MAPK10: variants seen among roughly 807,000 people sequenced by gnomAD.
The protein encoded by MAPK10 is JNK3 alpha protein kinase.
In MAPK10, 25 loss-of-function variants were observed where a neutral mutation model predicts 59.3. The observed-to-expected ratio is 0.42, with a 90% CI of 0.31 to 0.59. The LOEUF is 0.59. Among genes scored for constraint, MAPK10 ranks in the 20% least tolerant of loss-of-function variants. The probability of loss-of-function intolerance (pLI) is 0.15; values close to 1 mark genes in which losing one functional copy is unlikely to be tolerated. For missense variants in MAPK10, 351 were observed against 568.9 expected (o/e 0.62, Z 3.90); for synonymous variants, 190 against 200.5 (o/e 0.95, Z 0.44).
chr4:86,441,375 G>GT (rs1396629440), intron 1 of MAPK10, among the ~76,000 whole-genome samples: 1 of 152,200 alleles, frequency 6.6e-6, no homozygotes, highest in Non-Finnish European at 1.5e-5. Context: ...AGTTCACAGA[G>GT]TAACTCACGC....
At chr4:86,293,223 A>G (rs1332110498) in intron 2 of MAPK10, among the ~76,000 whole-genome samples, 4 of 152,234 alleles carry the variant, frequency 2.6e-5, no homozygotes, top group African/African-American at 9.6e-5. Context: ...GAGGTACAGG[A>G]AAATATCAAA....
chr4:86,191,906 T>C (rs1010989874), intron 3 of MAPK10: 2 of 152,136 alleles, frequency 1.3e-5, no homozygotes, highest in Non-Finnish European at 1.5e-5. Flanking sequence ...CAGTGGCTGG[T>C]ACCAACTGTT....
chr4:86,044,341 C>T (rs1168697677), intron 11 of MAPK10, among the ~76,000 whole-genome samples: 1 of 152,110 alleles, frequency 6.6e-6, no homozygotes, highest in Admixed American at 6.6e-5. Context: ...TAGATCCCAC[C>T]TCAGAGATTC....
chr4:86,289,324 T>G (rs918723234), intron 2 of MAPK10, among the ~76,000 whole-genome samples: 1 of 152,102 alleles, frequency 6.6e-6, no homozygotes, highest in African/African-American at 2.4e-5. Context: ...CTGGGTTTGC[T>G]TCTGAAGGAT....
At chr4:86,446,190 C>G (rs926154722) in intron 1 of MAPK10, among the ~76,000 whole-genome samples, 5 of 152,048 alleles carry the variant, frequency 3.3e-5, no homozygotes, top group African/African-American at 1.2e-4. Context: ...AGCAGTATAG[C>G]TCACTTTCAA....
intron 11 of MAPK10, among the ~76,000 whole-genome samples, chr4:86,056,417 T>C (rs1421964028): frequency 1.3e-5 from 2 of 150,122 alleles, no homozygotes; most frequent in African/African-American, 5.0e-5. Flanking sequence ...ACAAAGTACA[T>C]TGCTTCTAGT....
At chr4:86,462,478 T>A (rs943523595) in intron 1 of MAPK10, among the ~76,000 whole-genome samples, 8 of 152,094 alleles carry the variant, frequency 5.3e-5, no homozygotes, top group Admixed American at 4.6e-4. Flanking sequence ...CTGATAAACA[T>A]CCTACCTGTG....
chr4:86,245,837 T>C (rs1362892784), intron 2 of MAPK10, among the ~76,000 whole-genome samples: 7 of 152,188 alleles, frequency 4.6e-5, no homozygotes, highest in Admixed American at 3.3e-4. Flanking sequence ...TTTTCTGATA[T>C]GCAAAATGAA....
Position 86,159,439 on chromosome 4 carries a change from T to A in MAPK10, c.95A>T (p.Tyr32Phe), listed in dbSNP as rs971142530. The change falls in exon 4 of 14, where the codon TAT (tyrosine) becomes TTT (phenylalanine). Residue 32 changes from tyrosine (Y) to phenylalanine (F), a missense_variant. By Grantham distance (22) the Tyr-to-Phe change is conservative (BLOSUM62 3). Coordinates refer to ENST00000641462, the MANE Select transcript of MAPK10 (RefSeq NM_138982.4). ...GCTCATGTTGTAATGTTTGGCAATATATGACACATCCACTTGTTTATCGAA... is the reference window on the plus strand; with the variant it reads ...GCTCATGTTGTAATGTTTGGCAATAAATGACACATCCACTTGTTTATCGAA... ...QGFDKQVDVS[Y>F]IAKHYNMSKS... 12 of 1,611,448 alleles carry A rather than the reference T, an allele frequency of 7.4e-6. No individual in the cohort carries two copies. The Admixed American group carries it at 1.0e-4, about 13-fold the overall frequency.
chr4:86,593,442 T>A (rs1763248928), intron 1 of MAPK10, among the ~76,000 whole-genome samples: 1 of 152,230 alleles, frequency 6.6e-6, no homozygotes, highest in Non-Finnish European at 1.5e-5. Flanking sequence ...CTCTCTTGTT[T>A]AACTATTGAA....
chr4:86,523,216 A>G (rs548884362), intron 1 of MAPK10, among the ~76,000 whole-genome samples: 47 of 152,142 alleles, frequency 3.1e-4, no homozygotes, highest in African/African-American at 9.9e-4. Context: ...CTTTTTTTCA[A>G]TAAATATTTA....
chr4:86,181,048 C>A (rs1402206688), intron 3 of MAPK10, among the ~76,000 whole-genome samples: 5 of 151,982 alleles, frequency 3.3e-5, no homozygotes, highest in African/African-American at 1.2e-4. Flanking sequence ...ATGTTAATCA[C>A]CCTGATGTGA....
intron 1 of MAPK10, among the ~76,000 whole-genome samples, chr4:86,418,690 C>T (rs1746147691): frequency 6.6e-6 from 1 of 152,292 alleles, no homozygotes; most frequent in South Asian, 2.1e-4. Context: ...AAATCTCTCT[C>T]CTTCATTACG....
chr4:86,470,625 AT>A (rs36061537), intron 1 of MAPK10, among the ~76,000 whole-genome samples: 1 of 151,340 alleles, frequency 6.6e-6, no homozygotes, highest in Non-Finnish European at 1.5e-5. Context: ...CATCTCCCCT[AT>A]TTTTTCTTCC....
chr4:86,212,287 G>A (rs1032867953), intron 2 of MAPK10, among the ~76,000 whole-genome samples: 2 of 152,154 alleles, frequency 1.3e-5, no homozygotes, highest in African/African-American at 4.8e-5. Flanking sequence ...GGAGGCTGAG[G>A]TGGGAGGATC....
At chr4:86,128,488 T>C (rs942106910) in intron 4 of MAPK10, among the ~76,000 whole-genome samples, 2 of 152,076 alleles carry the variant, frequency 1.3e-5, no homozygotes, top group East Asian at 3.9e-4. Flanking sequence ...ATTCTTCTCC[T>C]TTCTGCCACC....
intron 4 of MAPK10, among the ~76,000 whole-genome samples, chr4:86,148,454 C>T (rs2065538407): frequency 6.6e-6 from 1 of 151,938 alleles, no homozygotes; most frequent in Non-Finnish European, 1.5e-5. Context: ...GCAACTTTAC[C>T]CATAAGCAGT....
At chr4:86,578,646 G>A (rs186308921) in intron 1 of MAPK10, among the ~76,000 whole-genome samples, 2 of 151,778 alleles carry the variant, frequency 1.3e-5, no homozygotes, top group East Asian at 3.9e-4. Context: ...TCAAATCATA[G>A]ATAATTTTCA....
chr4:86,066,752 C>CAAA (rs60413311), intron 10 of MAPK10, among the ~76,000 whole-genome samples: 28 of 86,466 alleles, frequency 3.2e-4, no homozygotes, highest in East Asian at 7.4e-4. Flanking sequence ...GACTCTGTCT[C>CAAA]AAAAAAAAAA....
Sources: allele counts gnomAD v4.1 joint callset (sites outside exome capture counted in the v4.1 genomes callset), GRCh38; gene constraint gnomAD v4.1.1; transcripts MANE v1.5; gene names NCBI Gene and HGNC (gene_info 2026-07-23, HGNC 2026-07-21).